The following HSF1 variants were observed in gnomAD, a reference collection of about 807,000 sequenced individuals.
HSF1 encodes heat shock transcription factor 1.
A neutral mutation model predicts 51.7 loss-of-function variants in HSF1; 32 were observed. The ratio of observed to expected loss-of-function variants is 0.62; its 90% confidence interval spans 0.47 to 0.83. HSF1 has a LOEUF of 0.83. HSF1 is among the 40% of genes least tolerant of loss of function. HSF1 has a pLI of 0.00. For missense variants in HSF1, 727 were observed against 717.0 expected (o/e 1.01, Z -0.16); for synonymous variants, 396 against 309.7 (o/e 1.28, Z -2.92).
In HSF1 at chr8:144,314,270, C is replaced by CACCA; in HGVS notation, c.1531_1534dup (p.Ile512AsnfsTer108). 6.4e-7 allele frequency: 1 copy of CACCA among 1,550,992 alleles called. No individual in the cohort carries two copies. The highest frequency in any genetic ancestry group is 2.0e-5 in the Admixed American group (1 of 51,148). ...AAGGGGACGGCTTCGCCGAGGACCC[C>CACCA]ACCATCTCCCTGCTGACAGGCTCGG... is the stretch of plus-strand genomic sequence containing the variant. On this transcript the variant is annotated frameshift_variant, in exon 13 of 13. Transcript: ENST00000528838. LOFTEE classifies it high-confidence loss of function.
At chr8:144,294,115 A>G (rs573253457) in intron 1 of HSF1, among the ~76,000 whole-genome samples, 2 of 152,070 alleles carry the variant, frequency 1.3e-5, no homozygotes, top group African/African-American at 2.4e-5. Context: ...TGAAGTGGCA[A>G]TGGTTGGTGC....
intron 12 of HSF1, 33 bp downstream of exon 12, chr8:144,314,087 C>T: frequency 6.5e-7 from 1 of 1,543,862 alleles, no homozygotes; most frequent in Non-Finnish European, 8.8e-7. Context: ...CACCTCTGCC[C>T]CCAACCCCCC....
Position 144,313,965 on chromosome 8 carries a change from A to G in HSF1, c.1315-20A>G. The G allele has an allele frequency of 1.2e-6, 2 of 1,610,484 alleles. No homozygotes were observed. Among genetic ancestry groups the G allele is most frequent in the Non-Finnish European group, 1.7e-6 (2 of 1,179,154 alleles). ...AACGAGACCAGCGGGAGTGCTCACA[A>G]TACCGTCTCCACCCCACAGATCCAA... On this transcript the variant is annotated intron_variant, in intron 11 of 12. Transcript: ENST00000528838.
In HSF1 at chr8:144,312,088, C is replaced by T. The variant is rs1816708287; in HGVS notation, c.986C>T (p.Ala329Val). ...GTGGACACCCTCTTGTCCCCGACCG[C>T]CCTCATTGACTCCATCCTGCGGGAG... ...SSVDTLLSPT[A>V]LIDSILRESE... The change falls in exon 9 of 13, where the codon GCC becomes GTC. Residue 329 changes from alanine (A) to valine (V), a missense_variant. By Grantham distance (64) the Ala-to-Val change is moderately conservative (BLOSUM62 0). Around this residue, in one of 2 missense-constraint regions of HSF1, gnomAD observed 470 missense variants for 398.8 expected, o/e 1.18. Transcript: ENST00000528838. 1.9e-6 allele frequency: 3 copies of T among 1,612,536 alleles called. No homozygotes were observed. In the East Asian group the frequency reaches 6.7e-5, roughly 36 times the overall value.
chr8:144,300,717 TGAA>T (rs1415547492), intron 1 of HSF1, among the ~76,000 whole-genome samples: 1 of 152,356 alleles, frequency 6.6e-6, no homozygotes, highest in African/African-American at 2.4e-5. Context: ...TCAGTGGGAC[TGAA>T]GAAGATGTGA....
At chr8:144,307,530 A>G (rs1259443107) in intron 1 of HSF1, among the ~76,000 whole-genome samples, 1 of 152,254 alleles carries the variant, frequency 6.6e-6, no homozygotes, top group Non-Finnish European at 1.5e-5. Context: ...GATTGAGGTC[A>G]GGAATTCGAG....
chr8:144,301,195 G>A (rs1554842198), intron 1 of HSF1, among the ~76,000 whole-genome samples: 1 of 152,182 alleles, frequency 6.6e-6, no homozygotes, highest in African/African-American at 2.4e-5. Flanking sequence ...GACATGGGTG[G>A]ATCGCTTGAG....
At chr8:144,312,643 A>G in intron 9 of HSF1, 1 of 1,535,110 alleles carries the variant, frequency 6.5e-7, no homozygotes, top group Non-Finnish European at 8.7e-7. Context: ...CTCGCACTCC[A>G]CAGATGTCTA....
At chr8:144,304,604 G>T (rs1206290511) in intron 1 of HSF1, among the ~76,000 whole-genome samples, 1 of 152,014 alleles carries the variant, frequency 6.6e-6, no homozygotes, top group Non-Finnish European at 1.5e-5. Flanking sequence ...GAGTGGCAGG[G>T]TCTTTTATTT....
rs1438590086 is a variant in HSF1 at position 144,306,903 on chromosome 8, G to A, written c.118-2003G>A. On this transcript the variant is annotated intron_variant, in intron 1 of 12. Coordinates refer to ENST00000528838, the MANE Select transcript of HSF1 (RefSeq NM_005526.4). ...AATGCCTGGGGCCAGTGAGTCTCCC[G>A]TCTTTTCCGGGGGCTGTGTGTGTGT... is the stretch of plus-strand genomic sequence containing the variant. 3.2e-4 allele frequency among the ~76,000 whole-genome samples: 49 copies of A among 152,134 alleles called. 2 individuals are homozygous for A. The highest frequency in any genetic ancestry group is 2.4e-3 in the Admixed American group (37 of 15,268).
intron 1 of HSF1, among the ~76,000 whole-genome samples, chr8:144,304,235 C>T (rs1208053950): frequency 1.3e-5 from 2 of 152,172 alleles, no homozygotes; most frequent in African/African-American, 4.8e-5. Context: ...GAGGCTGAGG[C>T]TCAGATGCCA....
intron 9 of HSF1, chr8:144,312,635 C>G (rs1381907515): frequency 6.5e-7 from 1 of 1,535,200 alleles, no homozygotes; most frequent in Non-Finnish European, 8.7e-7. Context: ...CAGTTTGGCT[C>G]GCACTCCACA....
chr8:144,313,116 A>G lies in HSF1; in HGVS notation c.1143-395A>G, dbSNP rs566090864. The G allele has an allele frequency of 1.8e-3, 718 of 388,438 alleles. 2 individuals are homozygous for G. Among genetic ancestry groups the G allele is most frequent in the Admixed American group, 2.5e-3 (64 of 25,372 alleles). The allele number at this position is 388,438 out of a possible 1,614,324, so 24.1% of individuals were successfully genotyped here. Reference sequence around the variant, plus strand: ...AGACCGTGGGTCTCATCCCCACAGCAGCACCAGGGCAGGGACTGAGCCACC... The same window carrying G: ...AGACCGTGGGTCTCATCCCCACAGCGGCACCAGGGCAGGGACTGAGCCACC... On this transcript the variant is annotated intron_variant, in intron 9 of 12. Coordinates refer to ENST00000528838, the MANE Select transcript of HSF1 (RefSeq NM_005526.4).
At position 144,313,915 on chromosome 8, in the gene HSF1, C is replaced by T. The variant is rs1817011920; in HGVS notation, c.1314+4C>T. The T allele has an allele frequency of 1.6e-5, 26 of 1,609,594 alleles. No individual in the cohort carries two copies. Among genetic ancestry groups the T allele is most frequent in the Non-Finnish European group, 2.1e-5 (25 of 1,179,090 alleles). ...CCTTGACAGCAGCCTGGCCAGTGTG[C>T]GTAGGCGGGCGGGGGGTGAGGGGGA... On this transcript the variant is annotated splice_donor_region_variant and intron_variant, in intron 11 of 12. Transcript: ENST00000528838.
chr8:144,313,649 C>CT (rs1265425565), intron 10 of HSF1, 33 bp downstream of exon 10: 31 of 268,364 alleles, frequency 1.2e-4, no homozygotes, highest in Admixed American at 2.4e-4. Flanking sequence ...GCCTCCCCGC[C>CT]CCGCCTCCCC....
intron 1 of HSF1, among the ~76,000 whole-genome samples, chr8:144,298,293 T>C (rs1554841638): frequency 6.6e-6 from 1 of 151,972 alleles, no homozygotes; most frequent in Non-Finnish European, 1.5e-5. Flanking sequence ...CCGCTGAAAA[T>C]GTTCAGACGT....
rs534955437 is a variant in HSF1, at chr8:144,295,115, G to C, written c.117+3241G>C. On this transcript the variant is annotated intron_variant, in intron 1 of 12. Coordinates refer to ENST00000528838, the MANE Select transcript of HSF1 (RefSeq NM_005526.4). ...CCCCGTGCCCTGGTGCCGGCCCTCA[G>C]CCCAGCTTCCTCGTCTGCATGCAGC... Among the ~76,000 whole-genome samples the C allele has an allele frequency of 1.4e-4, 21 of 152,298 alleles. No individual in the cohort carries two copies. In the South Asian group the frequency reaches 4.4e-3, roughly 32 times the overall value.
intron 1 of HSF1, among the ~76,000 whole-genome samples, chr8:144,293,852 G>A (rs569334952): frequency 3.3e-5 from 5 of 151,140 alleles, no homozygotes; most frequent in African/African-American, 1.2e-4. Context: ...CTACTAGCGT[G>A]ATCTGTCCTG....
chr8:144,303,200 G>T (rs145020681), intron 1 of HSF1, among the ~76,000 whole-genome samples: 14 of 152,112 alleles, frequency 9.2e-5, no homozygotes, highest in Admixed American at 3.9e-4. Context: ...CTCGCTATTT[G>T]GATTATTGTT....
Sources: allele counts gnomAD v4.1 joint callset (sites outside exome capture counted in the v4.1 genomes callset), GRCh38; gene constraint gnomAD v4.1.1; regional missense constraint gnomAD v4.1.1; transcripts MANE v1.5; gene names NCBI Gene and HGNC (gene_info 2026-07-23, HGNC 2026-07-21).